MDGA2: variants seen among roughly 807,000 people sequenced by gnomAD.
The protein encoded by MDGA2 is MAM domain-containing glycosylphosphatidylinositol anchor protein 2.
A neutral mutation model predicts 117.8 loss-of-function variants in MDGA2; 40 were observed. The observed-to-expected ratio is 0.34, with a 90% CI of 0.26 to 0.44. The LOEUF is 0.44. Ranked by LOEUF, MDGA2 falls within the 20% of genes least tolerant of loss-of-function variation. The pLI is 1.00. For synonymous variants in MDGA2, 452 were observed against 439.0 expected (o/e 1.03, Z -0.37); for missense variants, 1,123 against 1,250.6 (o/e 0.90, Z 1.54).
chr14:47,602,865 A>G (rs1242219367), intron 1 of MDGA2, among the ~76,000 whole-genome samples: 2 of 152,198 alleles, frequency 1.3e-5, no homozygotes, highest in Admixed American at 6.5e-5. Context: ...TTAGTCCTGC[A>G]TAACACTTCT....
chr14:47,179,498 C>T (rs1175020517), intron 3 of MDGA2, among the ~76,000 whole-genome samples: 3 of 151,926 alleles, frequency 2.0e-5, no homozygotes, highest in Admixed American at 6.6e-5. Context: ...TATTCAACTC[C>T]TAAAATCATG....
intron 6 of MDGA2, among the ~76,000 whole-genome samples, chr14:47,070,314 C>A (rs527651726): frequency 6.6e-6 from 1 of 151,994 alleles, no homozygotes; most frequent in Non-Finnish European, 1.5e-5. Flanking sequence ...AGCATTTACA[C>A]GACAAAACTT....
intron 5 of MDGA2, among the ~76,000 whole-genome samples, chr14:47,112,933 T>C (rs1422271673): frequency 6.6e-6 from 1 of 152,174 alleles, no homozygotes; most frequent in Non-Finnish European, 1.5e-5. Context: ...ATAATCATCA[T>C]TCTGACTGGC....
chr14:46,970,741 A>G (rs1886229709), intron 8 of MDGA2, among the ~76,000 whole-genome samples: 1 of 152,160 alleles, frequency 6.6e-6, no homozygotes, highest in Non-Finnish European at 1.5e-5. Flanking sequence ...GGGAAACAAC[A>G]GAATGAACTG....
chr14:47,237,715 T>A (rs965484836), intron 2 of MDGA2, among the ~76,000 whole-genome samples: 3 of 152,110 alleles, frequency 2.0e-5, no homozygotes, highest in African/African-American at 7.2e-5. Flanking sequence ...AATTCTTGAA[T>A]CACCTCCATA....
Position 47,261,491 on chromosome 14 carries a change from G to T in MDGA2, c.420+39920C>A, listed in dbSNP as rs555754105. ...AGATTCATCTGCTAAAAGCAGCAAA[G>T]AATGGCATATCATAAGATGTTAAAG... On this transcript the variant is annotated intron_variant, in intron 2 of 16. Coordinates refer to ENST00000399232, the MANE Select transcript of MDGA2 (RefSeq NM_001113498.3). 3.3e-5 allele frequency among the ~76,000 whole-genome samples: 5 copies of T among 152,202 alleles called. No homozygotes were observed. In the South Asian group the frequency reaches 1.0e-3, roughly 31 times the overall value.
At chr14:47,390,657 C>T (rs139920823) in intron 1 of MDGA2, among the ~76,000 whole-genome samples, 23 of 152,246 alleles carry the variant, frequency 1.5e-4, no homozygotes, top group South Asian at 2.1e-4. Context: ...TTTCTATCTT[C>T]GCAATCTCTT....
chr14:47,225,719 G>A (rs912732121), intron 2 of MDGA2, among the ~76,000 whole-genome samples: 3 of 151,956 alleles, frequency 2.0e-5, no homozygotes, highest in East Asian at 1.9e-4. Context: ...GCTAAATGAC[G>A]AGTTAATGGG....
At chr14:47,085,112 A>G (rs1458801034) in intron 6 of MDGA2, among the ~76,000 whole-genome samples, 1 of 152,200 alleles carries the variant, frequency 6.6e-6, no homozygotes, top group Non-Finnish European at 1.5e-5. Flanking sequence ...AAACTGAATA[A>G]TAATAAACAT....
chr14:47,260,725 G>C (rs531198434), intron 2 of MDGA2, among the ~76,000 whole-genome samples: 4 of 152,134 alleles, frequency 2.6e-5, no homozygotes, highest in African/African-American at 9.6e-5. Context: ...GGACTGGACT[G>C]GGTCTGAACA....
At chr14:47,578,213 T>C (rs1896152053) in intron 1 of MDGA2, among the ~76,000 whole-genome samples, 1 of 151,646 alleles carries the variant, frequency 6.6e-6, no homozygotes, top group Admixed American at 6.6e-5. Flanking sequence ...GTGAGACAGA[T>C]GGACACAGAG....
At chr14:47,101,122 T>TAGATAGATAGACAGAC (rs1390622376) in intron 5 of MDGA2, among the ~76,000 whole-genome samples, 8 of 94,822 alleles carry the variant, frequency 8.4e-5, no homozygotes, top group Non-Finnish European at 1.6e-4. Flanking sequence ...GATAGATAGA[T>TAGATAGATAGACAGAC]AGACAGATAG....
chr14:46,944,843 G>T (rs1262073018), intron 9 of MDGA2, among the ~76,000 whole-genome samples: 1 of 151,396 alleles, frequency 6.6e-6, no homozygotes, highest in Non-Finnish European at 1.5e-5. Context: ...CACAAAATCT[G>T]CATTTTTCTT....
chr14:47,034,862 T>G (rs1365950127), intron 8 of MDGA2, 149 bp downstream of exon 8: 1 of 731,692 alleles, frequency 1.4e-6, no homozygotes, highest in East Asian at 2.7e-5. Flanking sequence ...TAATGTAGAA[T>G]GTAGAAATAG....
At chr14:47,293,868 G>A (rs886096029) in intron 2 of MDGA2, among the ~76,000 whole-genome samples, 1 of 152,156 alleles carries the variant, frequency 6.6e-6, no homozygotes, top group Non-Finnish European at 1.5e-5. Flanking sequence ...TAGCAATTTA[G>A]GAGTATGTTA....
chr14:47,304,403 G>C (rs1889376074), intron 1 of MDGA2, among the ~76,000 whole-genome samples: 1 of 152,044 alleles, frequency 6.6e-6, no homozygotes, highest in South Asian at 2.1e-4. Context: ...AGTTAAATTA[G>C]TGTTCTAAAT....
chr14:47,591,289 C>A (rs1896434014), intron 1 of MDGA2, among the ~76,000 whole-genome samples: 2 of 152,202 alleles, frequency 1.3e-5, no homozygotes, highest in South Asian at 2.1e-4. Context: ...TTCAAACAAG[C>A]TGAAAAGCTC....
At chr14:47,042,362 G>A (rs1473249664) in intron 7 of MDGA2, among the ~76,000 whole-genome samples, 2 of 149,178 alleles carry the variant, frequency 1.3e-5, no homozygotes, top group Admixed American at 1.3e-4. Context: ...CACGCATGCA[G>A]GTGCGTGTCT....
chr14:47,549,575 T>C (rs1183138524), intron 1 of MDGA2, among the ~76,000 whole-genome samples: 1 of 152,146 alleles, frequency 6.6e-6, no homozygotes, highest in Admixed American at 6.5e-5. Context: ...TGCTGACTAT[T>C]ATGAACAAAA....
Sources: allele counts gnomAD v4.1 joint callset (sites outside exome capture counted in the v4.1 genomes callset), GRCh38; gene constraint gnomAD v4.1.1; transcripts MANE v1.5; gene names NCBI Gene and HGNC (gene_info 2026-07-23, HGNC 2026-07-21).